Variants in SH3BP4 observed in about 807,000 individuals in gnomAD.
SH3BP4 encodes the protein SH3 domain-binding protein 4.
Under a neutral mutation model 65.5 loss-of-function variants are expected in SH3BP4, and 33 were observed. That is an observed-to-expected ratio of 0.50 (90% CI 0.38 to 0.67). The LOEUF (loss-of-function observed/expected upper bound fraction) is 0.67, where lower values mean the gene tolerates loss of function less well. SH3BP4 is among the 30% of genes least tolerant of loss of function. The probability of loss-of-function intolerance (pLI) is 0.00; values close to 1 mark genes in which losing one functional copy is unlikely to be tolerated. For missense variants in SH3BP4, 1,134 were observed against 1,261.4 expected, an observed-to-expected ratio of 0.90 and a Z score of 1.53; for synonymous variants, 552 against 545.5, an observed-to-expected ratio of 1.01 and a Z score of -0.17.
rs951015498 is a variant in SH3BP4 at position 234,977,801 on chromosome 2, A to G, written c.-206-17502A>G. Among the ~76,000 whole-genome samples the G allele has an allele frequency of 5.9e-5, 9 of 152,066 alleles. No individual in the cohort carries two copies. The highest frequency in any genetic ancestry group is 2.1e-4 in the South Asian group (1 of 4,822). Reference sequence around the variant, plus strand: ...GACACGCACACGCATATGCACACACATGGGCACACACACACATGCGTGCAC... The same window carrying G: ...GACACGCACACGCATATGCACACACGTGGGCACACACACACATGCGTGCAC... On this transcript the variant is annotated intron_variant, in intron 1 of 5. Coordinates refer to ENST00000392011, the MANE Select transcript of SH3BP4 (RefSeq NM_014521.3). The surrounding 1 kb of genome is among the most constrained non-coding windows in gnomAD (Gnocchi z 5.1).
intron 2 of SH3BP4, among the ~76,000 whole-genome samples, chr2:235,022,809 C>A (rs1258314369): frequency 6.6e-6 from 1 of 152,168 alleles, no homozygotes; most frequent in African/African-American, 2.4e-5. Context: ...TGATTAGATA[C>A]AAAGATGATC....
At chr2:235,047,831 G>A (rs886483922) in intron 4 of SH3BP4, among the ~76,000 whole-genome samples, 10 of 152,296 alleles carry the variant, frequency 6.6e-5, no homozygotes, top group South Asian at 2.1e-4. Flanking sequence ...GTCAAGTTGC[G>A]GGAGGTAGGG....
At position 234,977,013 on chromosome 2, in the gene SH3BP4, G is replaced by A. The variant is rs930782853; in HGVS notation, c.-206-18290G>A. 5.3e-5 allele frequency among the ~76,000 whole-genome samples: 8 copies of A among 152,234 alleles called. No individual in the cohort carries two copies. The highest frequency in any genetic ancestry group is 1.0e-4 in the Non-Finnish European group (7 of 68,038). ...CGACATCCATTGTGACAAAGGTGCC[G>A]TCCTCCTGTAAGACACTCACAGGGA... is the stretch of plus-strand genomic sequence containing the variant. On this transcript the variant is annotated intron_variant, in intron 1 of 5. Coordinates refer to ENST00000392011, the MANE Select transcript of SH3BP4 (RefSeq NM_014521.3). This position sits in a 1 kb window ranked among gnomAD's most constrained non-coding sequence, Gnocchi z 5.1.
At chr2:234,992,815 A>C (rs967291963) in intron 1 of SH3BP4, among the ~76,000 whole-genome samples, 22 of 116,688 alleles carry the variant, frequency 1.9e-4, no homozygotes, top group African/African-American at 7.5e-4. Context: ...GCTCTGCATC[A>C]GGAGCCCCTA....
At chr2:234,983,217 A>C (rs1302653576) in intron 1 of SH3BP4, 1 of 152,230 alleles carries the variant, frequency 6.6e-6, no homozygotes, top group Non-Finnish European at 1.5e-5. Context: ...CAGCCCGTTC[A>C]AGGTGCTTCT....
chr2:235,005,336 G>T (rs1694260093), intron 2 of SH3BP4, among the ~76,000 whole-genome samples: 1 of 152,030 alleles, frequency 6.6e-6, no homozygotes, highest in Admixed American at 6.5e-5. Flanking sequence ...TGGAGAGGGA[G>T]GTGTCAGGGG....
chr2:234,968,047 C>T (rs1442883192), intron 1 of SH3BP4, among the ~76,000 whole-genome samples: 1 of 152,154 alleles, frequency 6.6e-6, no homozygotes. Context: ...CACCCAGGTC[C>T]ACCTGGTTCC....
intron 2 of SH3BP4, among the ~76,000 whole-genome samples, chr2:235,010,114 C>T (rs117185128): frequency 3.3e-5 from 5 of 152,162 alleles, no homozygotes; most frequent in Admixed American, 2.6e-4. Context: ...TCCTTGGCAG[C>T]CTGACTTGCA....
Position 235,055,564 on chromosome 2 carries a change from C to A in SH3BP4, c.*1748C>A, listed in dbSNP as rs1696198304. On this transcript the variant is annotated 3_prime_UTR_variant, in exon 6 of 6. Transcript: ENST00000392011. Reference sequence around the variant, plus strand: ...ACCATGGATATTTTTTCCTCAGGGGCTTTAAATAGTTTCCTATGCAACGTG... The same window carrying A: ...ACCATGGATATTTTTTCCTCAGGGGATTTAAATAGTTTCCTATGCAACGTG... The A allele has an allele frequency of 6.6e-6, 1 of 152,608 alleles. No homozygotes were observed. Among genetic ancestry groups the A allele is most frequent in the Admixed American group, 6.5e-5 (1 of 15,278 alleles). The allele number at this position is 152,608 out of a possible 1,614,324, so 9.5% of individuals were successfully genotyped here. A position where few individuals can be genotyped will look rare whatever the true frequency, so the allele number is the denominator to read the frequency against.
At chr2:235,039,519 CCTTT>C (rs1695568635) in intron 3 of SH3BP4, among the ~76,000 whole-genome samples, 1 of 151,590 alleles carries the variant, frequency 6.6e-6, no homozygotes, top group South Asian at 2.1e-4. Flanking sequence ...AGAAACGTTT[CCTTT>C]CTTTCTTTCA....
At chr2:234,965,719 G>A (rs923819043) in intron 1 of SH3BP4, among the ~76,000 whole-genome samples, 1 of 152,134 alleles carries the variant, frequency 6.6e-6, no homozygotes, top group Admixed American at 6.5e-5. Context: ...AAGAAGATGG[G>A]TAAAATGGCA....
At position 234,997,590 on chromosome 2, in the gene SH3BP4, A is replaced by AGGGGAC. The variant is rs1693962006; in HGVS notation, c.-133+2217_-133+2222dup. On this transcript the variant is annotated intron_variant, in intron 2 of 5. Coordinates refer to ENST00000392011, the MANE Select transcript of SH3BP4 (RefSeq NM_014521.3). The surrounding 1 kb of genome is among the most constrained non-coding windows in gnomAD (Gnocchi z 4.2). ...ATTGCTCCTCCGGGGAGTGTCAGCT[A>AGGGGAC]GGGGACGGAGCCGGTGCGGAGATCG... Among the ~76,000 whole-genome samples the AGGGGAC allele has an allele frequency of 6.6e-6, 1 of 152,166 alleles. No homozygotes were observed. The highest frequency in any genetic ancestry group is 1.5e-5 in the Non-Finnish European group (1 of 68,028).
chr2:235,009,831 A>G (rs1007434361), intron 2 of SH3BP4, among the ~76,000 whole-genome samples: 1 of 152,078 alleles, frequency 6.6e-6, no homozygotes, highest in Non-Finnish European at 1.5e-5. Context: ...TGCTGCCCAC[A>G]TTCAGCCTAT....
chr2:234,964,448 G>A (rs560626534), intron 1 of SH3BP4, among the ~76,000 whole-genome samples: 4 of 152,168 alleles, frequency 2.6e-5, no homozygotes, highest in Admixed American at 6.5e-5. Context: ...CAGATGCAGC[G>A]TCTGCCCACA....
chr2:235,032,538 T>C (rs1474110679), intron 2 of SH3BP4, among the ~76,000 whole-genome samples: 1 of 152,188 alleles, frequency 6.6e-6, no homozygotes, highest in Non-Finnish European at 1.5e-5. Context: ...GTCTCCACAG[T>C]GGCCTCCAAG....
chr2:234,956,187 C>T (rs965392022), intron 1 of SH3BP4, among the ~76,000 whole-genome samples: 5 of 152,146 alleles, frequency 3.3e-5, no homozygotes, highest in Admixed American at 6.5e-5. Flanking sequence ...GTCACCAGGG[C>T]GAAGCAAGGT....
rs1693114343 is a variant in SH3BP4 at position 234,974,647 on chromosome 2, C to T, written c.-206-20656C>T. Among the ~76,000 whole-genome samples the T allele has an allele frequency of 2.0e-5, 3 of 152,208 alleles. No individual in the cohort carries two copies. The highest frequency in any genetic ancestry group is 6.5e-5 in the Admixed American group (1 of 15,282). ...GCTCAGGGCCCCCGTTCCCTGGTCT[C>T]ATTTTACACTAACAAGGGCTTCATG... is the stretch of plus-strand genomic sequence containing the variant. On this transcript the variant is annotated intron_variant, in intron 1 of 5. Transcript: ENST00000392011. The surrounding 1 kb of genome is among the most constrained non-coding windows in gnomAD (Gnocchi z 4.6).
intron 2 of SH3BP4, among the ~76,000 whole-genome samples, chr2:235,025,785 A>G (rs1694982355): frequency 1.3e-5 from 2 of 152,242 alleles, no homozygotes. Flanking sequence ...GTGGACTTCC[A>G]TTTGCAAAGG....
chr2:234,980,411 A>T (rs185478130), intron 1 of SH3BP4, among the ~76,000 whole-genome samples: 111 of 152,328 alleles, frequency 7.3e-4, no homozygotes, highest in African/African-American at 2.5e-3. Context: ...ATTGTACTGT[A>T]GCACCTGTTT....
Sources: allele counts gnomAD v4.1 joint callset (sites outside exome capture counted in the v4.1 genomes callset), GRCh38; gene constraint gnomAD v4.1.1; non-coding constraint Gnocchi (gnomAD v3.1); transcripts MANE v1.5; gene names NCBI Gene and HGNC (gene_info 2026-07-23, HGNC 2026-07-21).